Variants in TSPAN9 observed in about 807,000 individuals in gnomAD.
TSPAN9 encodes tetraspanin-9.
In TSPAN9, 16 loss-of-function variants were observed where a neutral mutation model predicts 31.0. That is an observed-to-expected ratio of 0.52 (90% confidence interval 0.35 to 0.78). The LOEUF is 0.78. TSPAN9 is among the 30% of genes least tolerant of loss of function. The probability of loss-of-function intolerance (pLI) is 0.01; values close to 1 mark genes in which losing one functional copy is unlikely to be tolerated. For missense variants in TSPAN9, 272 were observed against 312.5 expected (o/e 0.87, Z 0.98); for synonymous variants, 145 against 121.6 (o/e 1.19, Z -1.27).
chr12:3,198,426 T>C lies in TSPAN9; in HGVS notation c.-17-2751T>C, dbSNP rs878929954. 9.1e-4 allele frequency among the ~76,000 whole-genome samples: 52 copies of C among 56,892 alleles called. 4 individuals are homozygous for C. Among genetic ancestry groups the C allele is most frequent in the Admixed American group, 1.4e-3 (6 of 4,260 alleles). 37.3% of individuals were successfully genotyped at this position (56,892 alleles called of 152,430 possible). On this transcript the variant is annotated intron_variant, in intron 2 of 8. Transcript: ENST00000011898. The stretch of plus-strand genomic sequence containing the variant: ...CCAGCACAGGTCACACCAGCACAGC[T>C]CACCACCAGCACAGGTCACACCAGC...
Position 3,170,080 on chromosome 12 carries a change from T to C in TSPAN9, c.-17-31097T>C, listed in dbSNP as rs1241318876. Among the ~76,000 whole-genome samples the C allele has an allele frequency of 6.6e-6, 1 of 152,208 alleles. No homozygotes were observed. Among genetic ancestry groups the C allele is most frequent in the Admixed American group, 6.5e-5 (1 of 15,282 alleles). On this transcript the variant is annotated intron_variant, in intron 2 of 8. Coordinates refer to ENST00000011898, the MANE Select transcript of TSPAN9 (RefSeq NM_006675.5). This position sits in a 1 kb window ranked among gnomAD's most constrained non-coding sequence, Gnocchi z 4.4. ...TGCCGTGACCTTGAGCAAGTCCCTT[T>C]ACTTCTCTCTGTTCCACGTCCTTCA...
chr12:3,246,687 T>C (rs1214265663), intron 3 of TSPAN9, among the ~76,000 whole-genome samples: 1 of 152,162 alleles, frequency 6.6e-6, no homozygotes, highest in Non-Finnish European at 1.5e-5. Context: ...GGCCTAATAA[T>C]AGCCCCTTTT....
intron 2 of TSPAN9, among the ~76,000 whole-genome samples, chr12:3,174,860 G>A (rs1337840878): frequency 6.6e-6 from 1 of 152,164 alleles, no homozygotes; most frequent in African/African-American, 2.4e-5. Flanking sequence ...GGGATTACAG[G>A]CGTGAGCCAC....
At chr12:3,086,265 G>T (rs2098300425) in intron 2 of TSPAN9, among the ~76,000 whole-genome samples, 1 of 152,066 alleles carries the variant, frequency 6.6e-6, no homozygotes, top group Non-Finnish European at 1.5e-5. Context: ...CCCTTTGCTG[G>T]CATCTGGAGT....
intron 1 of TSPAN9, among the ~76,000 whole-genome samples, chr12:3,079,975 T>C (rs1237266948): frequency 3.4e-5 from 5 of 147,384 alleles, no homozygotes; most frequent in Non-Finnish European, 7.5e-5. Flanking sequence ...AGAGACAGGG[T>C]TGTGCTATGT....
At chr12:3,112,746 G>GAC (rs1359352533) in intron 2 of TSPAN9, among the ~76,000 whole-genome samples, 1 of 128,086 alleles carries the variant, frequency 7.8e-6, no homozygotes, top group Non-Finnish European at 1.6e-5. Flanking sequence ...TGAGTGGTAT[G>GAC]ACCATAGCTC....
At chr12:3,182,498 A>C (rs1308611711) in intron 2 of TSPAN9, among the ~76,000 whole-genome samples, 1 of 151,152 alleles carries the variant, frequency 6.6e-6, no homozygotes, top group African/African-American at 2.4e-5. Context: ...CCACCAGAAA[A>C]GTTGGCCGGG....
intron 2 of TSPAN9, among the ~76,000 whole-genome samples, chr12:3,152,002 T>C (rs555198127): frequency 6.6e-6 from 1 of 152,230 alleles, no homozygotes; most frequent in South Asian, 2.1e-4. Context: ...GTAAATTTCC[T>C]GCAAATGGGA....
At chr12:3,248,349 T>C (rs1862180264) in intron 3 of TSPAN9, among the ~76,000 whole-genome samples, 3 of 152,334 alleles carry the variant, frequency 2.0e-5, no homozygotes, top group South Asian at 2.1e-4. Flanking sequence ...AGAGGACCAC[T>C]GGGGTGTAGC....
At chr12:3,156,499 T>C (rs1484742780) in intron 2 of TSPAN9, among the ~76,000 whole-genome samples, 1 of 151,802 alleles carries the variant, frequency 6.6e-6, no homozygotes, top group Non-Finnish European at 1.5e-5. Flanking sequence ...TAGAGTTGTT[T>C]TTTTGTTTTT....
chr12:3,221,356 T>C (rs1382793396), intron 3 of TSPAN9, among the ~76,000 whole-genome samples: 2 of 128,122 alleles, frequency 1.6e-5, no homozygotes, highest in African/African-American at 5.8e-5. Flanking sequence ...TAAAATATTT[T>C]TCTCTTTTTT....
intron 3 of TSPAN9, among the ~76,000 whole-genome samples, chr12:3,220,885 AT>A (rs2153974929): frequency 6.6e-6 from 1 of 152,176 alleles, no homozygotes; most frequent in Non-Finnish European, 1.5e-5. Flanking sequence ...TGAGGAACAC[AT>A]TGGCCTTTCC....
intron 3 of TSPAN9, among the ~76,000 whole-genome samples, chr12:3,207,540 G>A (rs979819394): frequency 2.0e-5 from 3 of 152,114 alleles, no homozygotes; most frequent in African/African-American, 7.2e-5. Context: ...CTTCTAACTC[G>A]ACTCTTTAAC....
intron 2 of TSPAN9, among the ~76,000 whole-genome samples, chr12:3,106,508 G>C (rs922163095): frequency 6.6e-6 from 1 of 152,184 alleles, no homozygotes; most frequent in Admixed American, 6.5e-5. Context: ...GGTGGCTCAC[G>C]CCTGTAATCC....
At chr12:3,203,703 A>G (rs1353775940) in intron 3 of TSPAN9, among the ~76,000 whole-genome samples, 1 of 152,230 alleles carries the variant, frequency 6.6e-6, no homozygotes, top group African/African-American at 2.4e-5. Context: ...CACTTCTTGT[A>G]TGCTAGTAGC....
chr12:3,285,586 T>G lies in TSPAN9; in HGVS notation c.*2470T>G. 6.6e-6 allele frequency: 1 copy of G among 152,190 alleles called. No homozygotes were observed. The highest frequency in any genetic ancestry group is 1.9e-4 in the East Asian group (1 of 5,190). 9.4% of individuals were successfully genotyped at this position (152,190 alleles called of 1,614,324 possible). A position where few individuals can be genotyped will look rare whatever the true frequency, so the allele number is the denominator to read the frequency against. ...CTGTGTGCACAGAGTGGGTGTTCCT[T>G]CGAGCCCCTTCCACTCAGAGGGCCA... On this transcript the variant is annotated 3_prime_UTR_variant, in exon 9 of 9. Transcript: ENST00000011898.
At chr12:3,108,266 G>T (rs2098315681) in intron 2 of TSPAN9, among the ~76,000 whole-genome samples, 1 of 152,150 alleles carries the variant, frequency 6.6e-6, no homozygotes, top group Admixed American at 6.5e-5. Flanking sequence ...ATATTTGTTG[G>T]TCTTGCAAAT....
At chr12:3,189,901 C>T (rs893454139) in intron 2 of TSPAN9, among the ~76,000 whole-genome samples, 18 of 152,028 alleles carry the variant, frequency 1.2e-4, no homozygotes, top group African/African-American at 4.3e-4. Context: ...TGCGGGCCTT[C>T]GAGCCATAAG....
chr12:3,238,794 G>A (rs2153976920), intron 3 of TSPAN9, among the ~76,000 whole-genome samples: 1 of 152,354 alleles, frequency 6.6e-6, no homozygotes. Context: ...GCACCGTTTA[G>A]TGCTTGGCGT....
Sources: allele counts gnomAD v4.1 joint callset (sites outside exome capture counted in the v4.1 genomes callset), GRCh38; gene constraint gnomAD v4.1.1; non-coding constraint Gnocchi (gnomAD v3.1); transcripts MANE v1.5; gene names NCBI Gene and HGNC (gene_info 2026-07-23, HGNC 2026-07-21).